TMEM117: variants seen among roughly 807,000 people sequenced by gnomAD.
TMEM117 encodes the protein transmembrane protein 117.
A neutral mutation model predicts 52.4 loss-of-function variants in TMEM117; 27 were observed. That is an observed-to-expected ratio of 0.51 (90% confidence interval 0.38 to 0.71). The LOEUF (loss-of-function observed/expected upper bound fraction) is 0.71. Ranked by LOEUF, TMEM117 falls within the 30% of genes least tolerant of loss-of-function variation. The pLI is 0.00. For missense variants in TMEM117, 556 were observed against 630.5 expected, an observed-to-expected ratio of 0.88 and a Z score of 1.26; for synonymous variants, 215 against 206.3, an observed-to-expected ratio of 1.04 and a Z score of -0.36.
intron 3 of TMEM117, among the ~76,000 whole-genome samples, chr12:43,997,045 C>T (rs902097660): frequency 3.3e-5 from 5 of 152,130 alleles, no homozygotes; most frequent in Non-Finnish European, 5.9e-5. Context: ...TTTTTGTTGA[C>T]GCTAGTTTGA....
At chr12:44,189,754 T>C (rs932921870) in intron 4 of TMEM117, among the ~76,000 whole-genome samples, 6 of 152,188 alleles carry the variant, frequency 3.9e-5, no homozygotes, top group Non-Finnish European at 7.3e-5. Flanking sequence ...AGAAGTCCTG[T>C]AAAATCAACT....
In TMEM117 at chr12:44,217,949, T is replaced by C. The variant is rs201295891; in HGVS notation, c.608+6562T>C. On this transcript the variant is annotated intron_variant, in intron 5 of 7. Transcript: ENST00000266534. ...AAAATACTAGCAAACCAGGCTGGGGTGCGGTGGCTCATGCCTGTAATCCCA... is the reference window on the plus strand; with the variant it reads ...AAAATACTAGCAAACCAGGCTGGGGCGCGGTGGCTCATGCCTGTAATCCCA... 1.1e-4 allele frequency among the ~76,000 whole-genome samples: 16 copies of C among 151,908 alleles called. No individual in the cohort carries two copies. The East Asian group carries it at 2.9e-3, about 28-fold the overall frequency.
At chr12:44,026,215 G>C (rs1013288414) in intron 3 of TMEM117, among the ~76,000 whole-genome samples, 1 of 152,152 alleles carries the variant, frequency 6.6e-6, no homozygotes, top group African/African-American at 2.4e-5. Context: ...ATCTGCAGTG[G>C]TATTATCTTG....
At chr12:44,249,956 C>G (rs909723993) in intron 5 of TMEM117, among the ~76,000 whole-genome samples, 4 of 152,104 alleles carry the variant, frequency 2.6e-5, no homozygotes, top group African/African-American at 9.7e-5. Flanking sequence ...ACTAAAATAC[C>G]AAAAGCAATT....
At chr12:43,861,708 G>A (rs1263566827) in intron 2 of TMEM117, among the ~76,000 whole-genome samples, 1 of 152,220 alleles carries the variant, frequency 6.6e-6, no homozygotes, top group East Asian at 1.9e-4. Flanking sequence ...GGTAGTAAAA[G>A]AGACGTTATA....
chr12:44,139,345 A>G (rs1948538546), intron 3 of TMEM117, among the ~76,000 whole-genome samples: 1 of 152,076 alleles, frequency 6.6e-6, no homozygotes, highest in African/African-American at 2.4e-5. Context: ...CCAATTCACT[A>G]TATTATAGTT....
At chr12:43,986,896 G>C (rs1338782430) in intron 3 of TMEM117, among the ~76,000 whole-genome samples, 2 of 151,856 alleles carry the variant, frequency 1.3e-5, no homozygotes, top group African/African-American at 4.8e-5. Flanking sequence ...TAAATTTAAG[G>C]CTATATTTTT....
chr12:43,903,422 A>G (rs2137510709), intron 2 of TMEM117, among the ~76,000 whole-genome samples: 1 of 152,360 alleles, frequency 6.6e-6, no homozygotes, highest in East Asian at 1.9e-4. Flanking sequence ...AGAATGAGTC[A>G]TCTCACATAA....
intron 6 of TMEM117, among the ~76,000 whole-genome samples, chr12:44,355,557 TAGAG>T (rs1318775264): frequency 6.6e-6 from 1 of 152,032 alleles, no homozygotes; most frequent in Non-Finnish European, 1.5e-5. Context: ...CCTATGGCAA[TAGAG>T]AGTTGACATA....
chr12:44,073,113 AAC>A (rs1491425497), intron 3 of TMEM117, among the ~76,000 whole-genome samples: 1 of 151,624 alleles, frequency 6.6e-6, no homozygotes, highest in East Asian at 2.0e-4. Flanking sequence ...ACAACAAAAA[AAC>A]AACCCACATT....
chr12:44,348,791 A>G (rs1384877175), intron 6 of TMEM117, among the ~76,000 whole-genome samples: 2 of 151,898 alleles, frequency 1.3e-5, no homozygotes, highest in East Asian at 2.0e-4. Flanking sequence ...ACCTCAAGAC[A>G]TAGAAGTGTG....
At chr12:44,041,689 T>C (rs765070892) in intron 3 of TMEM117, among the ~76,000 whole-genome samples, 6 of 152,044 alleles carry the variant, frequency 3.9e-5, no homozygotes, top group Non-Finnish European at 7.4e-5. Flanking sequence ...TTCAGACCAA[T>C]ATCCCTGATG....
chr12:43,871,908 G>T (rs563661717), intron 2 of TMEM117, among the ~76,000 whole-genome samples: 2 of 152,066 alleles, frequency 1.3e-5, no homozygotes, highest in Non-Finnish European at 2.9e-5. Flanking sequence ...AGTTTTCTGG[G>T]TGCTCTCTTA....
chr12:44,355,869 CAGTG>C (rs1206962009), intron 6 of TMEM117, among the ~76,000 whole-genome samples: 1 of 152,036 alleles, frequency 6.6e-6, no homozygotes, highest in Admixed American at 6.6e-5. Flanking sequence ...ACATCTTTGG[CAGTG>C]GTTAGCTGGA....
intron 3 of TMEM117, among the ~76,000 whole-genome samples, chr12:43,989,163 A>G (rs2137744103): frequency 6.6e-6 from 1 of 152,242 alleles, no homozygotes; most frequent in East Asian, 1.9e-4. Context: ...TCAATTTTTT[A>G]TTGGTCCTGA....
At chr12:44,392,772 C>A (rs1952167423), downstream of TMEM117, among the ~76,000 whole-genome samples, 1 of 149,772 alleles carries the variant, frequency 6.7e-6, no homozygotes, top group Non-Finnish European at 1.5e-5. Context: ...GAACATGCGG[C>A]TTCTTAAACA....
chr12:43,831,630 A>G (rs1464214338), upstream of TMEM117, among the ~76,000 whole-genome samples: 2 of 149,354 alleles, frequency 1.3e-5, no homozygotes, highest in African/African-American at 5.0e-5. Context: ...TGCAACCTCC[A>G]CCTCCCAGGT....
intron 5 of TMEM117, among the ~76,000 whole-genome samples, chr12:44,283,334 C>T (rs1950600727): frequency 1.3e-5 from 2 of 152,270 alleles, no homozygotes; most frequent in Middle Eastern, 3.4e-3. Context: ...GCCACAAACA[C>T]TGAACGCCAG....
intron 3 of TMEM117, among the ~76,000 whole-genome samples, chr12:43,972,917 A>G (rs765535156): frequency 3.2e-4 from 48 of 152,328 alleles, no homozygotes; most frequent in Admixed American, 1.9e-3. Flanking sequence ...CAGGTGACCA[A>G]GAGCATGCTT....
Sources: allele counts gnomAD v4.1 joint callset (sites outside exome capture counted in the v4.1 genomes callset), GRCh38; gene constraint gnomAD v4.1.1; transcripts MANE v1.5; gene names NCBI Gene and HGNC (gene_info 2026-07-23, HGNC 2026-07-21).